SGCD: variants seen among roughly 807,000 people sequenced by gnomAD.
The protein encoded by SGCD is delta-sarcoglycan.
In SGCD, 18 loss-of-function variants were observed where a neutral mutation model predicts 36.6. The ratio of observed to expected loss-of-function variants is 0.49; its 90% CI spans 0.34 to 0.73. The LOEUF is 0.73. Among genes scored for constraint, SGCD ranks in the 30% least tolerant of loss-of-function variants. The pLI is 0.01. For synonymous variants in SGCD, 133 were observed against 130.6 expected (o/e 1.02, Z -0.12); for missense variants, 387 against 346.7 (o/e 1.12, Z -0.92).
chr5:156,398,276 A>G (rs1771969410), intron 3 of SGCD, among the ~76,000 whole-genome samples: 1 of 152,204 alleles, frequency 6.6e-6, no homozygotes, highest in African/African-American at 2.4e-5. Flanking sequence ...GAAGGGAAAA[A>G]GCAGTGGAAA....
At chr5:156,189,390 C>A (rs1763836138) in intron 3 of SGCD, among the ~76,000 whole-genome samples, 1 of 152,144 alleles carries the variant, frequency 6.6e-6, no homozygotes, top group Admixed American at 6.5e-5. Flanking sequence ...ATTCTATGAT[C>A]TCCTTAGTAT....
chr5:155,753,182 C>T, the SGCD span, among the ~76,000 whole-genome samples: 3 of 151,874 alleles, frequency 2.0e-5, no homozygotes, highest in Non-Finnish European at 4.4e-5. Context: ...CTAAAAAATA[C>T]AAAAATTAGC....
chr5:156,375,234 T>G (rs191883755), intron 3 of SGCD, among the ~76,000 whole-genome samples: 43 of 152,302 alleles, frequency 2.8e-4, no homozygotes, highest in Middle Eastern at 3.4e-3. Context: ...TAATTTGCTT[T>G]TAAATACTTC....
chr5:156,011,875 A>C (rs1221762386), intron 1 of SGCD, among the ~76,000 whole-genome samples: 1 of 152,238 alleles, frequency 6.6e-6, no homozygotes, highest in African/African-American at 2.4e-5. Context: ...ACAGAAAGGC[A>C]CAAGACAAAA....
At chr5:156,317,474 C>T (rs998331922) in intron 3 of SGCD, among the ~76,000 whole-genome samples, 1 of 152,104 alleles carries the variant, frequency 6.6e-6, no homozygotes, top group African/African-American at 2.4e-5. Flanking sequence ...CAAACATGAT[C>T]GCAATTTCAA....
At chr5:156,656,879 C>G (rs1331011351) in intron 7 of SGCD, among the ~76,000 whole-genome samples, 1 of 152,062 alleles carries the variant, frequency 6.6e-6, no homozygotes, top group African/African-American at 2.4e-5. Context: ...ACTTGAACAT[C>G]CTGTAGGGTT....
At chr5:156,575,711 T>C (rs931940013) in intron 4 of SGCD, among the ~76,000 whole-genome samples, 5 of 152,056 alleles carry the variant, frequency 3.3e-5, no homozygotes, top group African/African-American at 1.2e-4. Context: ...ATCATTAAAG[T>C]AGCATTCCCT....
the SGCD span, among the ~76,000 whole-genome samples, chr5:155,757,940 GCT>G: frequency 6.6e-6 from 1 of 152,068 alleles, no homozygotes; most frequent in Non-Finnish European, 1.5e-5. Context: ...CCCTGCACAA[GCT>G]CTCTCTTTGC....
intron 1 of SGCD, among the ~76,000 whole-genome samples, chr5:155,878,552 G>T (rs1381351591): frequency 3.3e-5 from 5 of 151,926 alleles, no homozygotes; most frequent in African/African-American, 1.2e-4. Flanking sequence ...CAGTTAATTT[G>T]CCTAGGATAA....
rs138505358 is a variant in SGCD, at chr5:156,514,468, G to A, written c.294+5766G>A. ...ATTTAGAAGTTCGGAAGAGGAGAGG[G>A]TAGAAAGAAAACTTGAATGGATCAG... On this transcript the variant is annotated intron_variant, in intron 4 of 8. Coordinates refer to ENST00000337851, the MANE Select transcript of SGCD (RefSeq NM_000337.6). 4.2e-4 allele frequency among the ~76,000 whole-genome samples: 64 copies of A among 152,290 alleles called. 1 individual carries two copies. In the East Asian group the frequency reaches 0.012, roughly 29 times the overall value.
intron 7 of SGCD, among the ~76,000 whole-genome samples, chr5:156,688,973 C>T (rs1020430297): frequency 2.9e-4 from 44 of 152,176 alleles, no homozygotes; most frequent in African/African-American, 9.9e-4. Flanking sequence ...TTGTATGCCA[C>T]AGTCATATAA....
intron 1 of SGCD, among the ~76,000 whole-genome samples, chr5:156,023,572 C>A (rs1027280738): frequency 4.6e-5 from 7 of 152,164 alleles, no homozygotes; most frequent in Admixed American, 2.0e-4. Context: ...AAATGATTAG[C>A]ACTAGTCACT....
intron 3 of SGCD, among the ~76,000 whole-genome samples, chr5:156,184,119 C>G (rs974940755): frequency 1.3e-5 from 2 of 152,122 alleles, no homozygotes; most frequent in Non-Finnish European, 2.9e-5. Flanking sequence ...TAACGTAAAG[C>G]CTGTTTTATA....
intron 1 of SGCD, among the ~76,000 whole-genome samples, chr5:156,054,365 A>T (rs948755538): frequency 2.9e-5 from 4 of 139,024 alleles, no homozygotes; most frequent in African/African-American, 1.0e-4. Context: ...GGCTCACGGC[A>T]AGCTCCGCCT....
intron 7 of SGCD, among the ~76,000 whole-genome samples, chr5:156,717,012 A>G (rs1242986585): frequency 6.6e-6 from 1 of 152,240 alleles, no homozygotes; most frequent in Non-Finnish European, 1.5e-5. Context: ...TTGGCTAATT[A>G]TGTAGTGAGA....
chr5:156,321,137 C>T (rs758110018), intron 3 of SGCD, among the ~76,000 whole-genome samples: 5 of 152,046 alleles, frequency 3.3e-5, no homozygotes, highest in African/African-American at 4.8e-5. Flanking sequence ...AAAACAAAAA[C>T]GGCTGGGCGC....
At chr5:156,016,092 C>G (rs1431670575) in intron 1 of SGCD, among the ~76,000 whole-genome samples, 2 of 152,114 alleles carry the variant, frequency 1.3e-5, no homozygotes, top group East Asian at 1.9e-4. Flanking sequence ...CAGTGAGAAC[C>G]CTGATCCCAA....
chr5:155,888,093 A>C (rs1355433047), intron 1 of SGCD, among the ~76,000 whole-genome samples: 1 of 152,210 alleles, frequency 6.6e-6, no homozygotes, highest in Non-Finnish European at 1.5e-5. Flanking sequence ...AACCAAATTC[A>C]GTCTTTTTGC....
intron 2 of SGCD, among the ~76,000 whole-genome samples, chr5:156,343,104 C>T (rs1281539874): frequency 9.2e-6 from 1 of 108,634 alleles, no homozygotes; most frequent in Non-Finnish European, 1.8e-5. Flanking sequence ...TAATGATTAT[C>T]TAAAAACCAA....
Sources: gnomAD v4.1 joint callset for allele counts (sites outside exome capture counted in the v4.1 genomes callset) on GRCh38, gnomAD v4.1.1 for gene constraint, MANE v1.5 for transcripts, NCBI Gene and HGNC (gene_info 2026-07-23, HGNC 2026-07-21) for gene names.